The following TUT4 variants were observed in gnomAD, a reference collection of about 807,000 sequenced individuals.
The protein encoded by TUT4 is terminal uridylyltransferase 4.
A neutral mutation model predicts 192.2 loss-of-function variants in TUT4; 36 were observed. The ratio of observed to expected loss-of-function variants is 0.19; its 90% CI spans 0.14 to 0.25. TUT4 has a LOEUF of 0.25. Among genes scored for constraint, TUT4 ranks in the 10% least tolerant of loss-of-function variants. The pLI is 1.00. For synonymous variants in TUT4, 618 were observed against 666.0 expected, an observed-to-expected ratio of 0.93 and a Z score of 1.11; for missense variants, 1,493 against 1,957.2, an observed-to-expected ratio of 0.76 and a Z score of 4.47.
At position 52,475,186 on chromosome 1, in the gene TUT4, A is replaced by G. The variant is rs1666775757; in HGVS notation, c.2373T>C (p.Ala791=). 9 of 1,614,178 alleles carry G rather than the reference A, an allele frequency of 5.6e-6. No individual in the cohort carries two copies. Among genetic ancestry groups the G allele is most frequent in the South Asian group, 2.2e-5 (2 of 91,088 alleles). The change falls in exon 13 of 30, where the codon GCT becomes GCC. Residue 791 remains alanine, a synonymous_variant. Transcript: ENST00000257177. The part of the protein sequence containing the change: ...NNLLVNELDF[A]DHGQDSSSLS... ...GAGATGAAGAGTCCTGTCCGTGGTCAGCAAAATCTAGTTCATTTACCAACA... is the reference window on the plus strand; with the variant it reads ...GAGATGAAGAGTCCTGTCCGTGGTCGGCAAAATCTAGTTCATTTACCAACA...
At chr1:52,523,895 A>C (rs1238071309) in intron 2 of TUT4, among the ~76,000 whole-genome samples, 1 of 152,190 alleles carries the variant, frequency 6.6e-6, no homozygotes, top group African/African-American at 2.4e-5. Flanking sequence ...AGTGTTTCTC[A>C]AAGTGTGGCA....
In TUT4 at chr1:52,526,098, A is replaced by T. The variant is rs1309264419; in HGVS notation, c.183T>A (p.Asn61Lys). ...CTTCTGTTTTTTCTATACAAATATC[A>T]TTTTGCTTATTTTTTTTACTACTAT... Reference protein sequence around the residue: ...NRNSSKKNKQNDICIEKTEVK... With the variant: ...NRNSSKKNKQKDICIEKTEVK... The change falls in exon 2 of 30, where the codon AAT becomes AAA. Residue 61 changes from asparagine to lysine, a missense_variant. By Grantham distance (94) the Asn-to-Lys change is moderately conservative. Around this residue, in one of 7 missense-constraint regions of TUT4, gnomAD observed 260 missense variants for 247.8 expected, o/e 1.05. Coordinates refer to ENST00000257177, the MANE Select transcript of TUT4 (RefSeq NM_001009881.3). 6.2e-7 allele frequency: 1 copy of T among 1,608,312 alleles called. No homozygotes were observed. The highest frequency in any genetic ancestry group is 8.5e-7 in the Non-Finnish European group (1 of 1,178,628).
Position 52,495,415 on chromosome 1 carries a change from C to T in TUT4, c.1266+12G>A, listed in dbSNP as rs760771786. On this transcript the variant is annotated intron_variant, in intron 6 of 29. Transcript: ENST00000257177. ...AGTTAAGAACCACACAGGAAAGATT[C>T]TAATTACTTACCTTGGGAGGAAATT... 18 of 1,535,604 alleles carry T rather than the reference C, an allele frequency of 1.2e-5. No homozygotes were observed. The highest frequency in any genetic ancestry group is 1.6e-5 in the Non-Finnish European group (18 of 1,115,070).
chr1:52,456,689 A>AG lies in TUT4; in HGVS notation c.3435+1646dup, dbSNP rs1337088971. Among the ~76,000 whole-genome samples, 17 of 152,180 alleles carry AG rather than the reference A, an allele frequency of 1.1e-4. No individual in the cohort carries two copies. The East Asian group carries it at 3.1e-3, about 28-fold the overall frequency. On this transcript the variant is annotated intron_variant, in intron 20 of 29. Coordinates refer to ENST00000257177, the MANE Select transcript of TUT4 (RefSeq NM_001009881.3). Reference sequence around the variant, plus strand: ...AAAGATTAGTGGTTGCCAGGGGTTGAGGGGAGGATGACTAGGCAAAGTACA... The same window carrying AG: ...AAAGATTAGTGGTTGCCAGGGGTTGAGGGGGAGGATGACTAGGCAAAGTACA...
At chr1:52,519,679 T>C (rs2149399499) in intron 2 of TUT4, among the ~76,000 whole-genome samples, 1 of 152,010 alleles carries the variant, frequency 6.6e-6, no homozygotes, top group East Asian at 1.9e-4. Flanking sequence ...CCAGCTAATT[T>C]TGTATTTTTA....
chr1:52,546,777 CTTTT>C (rs1300286870), intron 1 of TUT4, among the ~76,000 whole-genome samples: 2 of 151,986 alleles, frequency 1.3e-5, no homozygotes, highest in African/African-American at 2.4e-5. Context: ...TTTTTAGAAT[CTTTT>C]TTAAGGTGAA....
rs373926715 is a variant in TUT4, at chr1:52,527,406, C to T, written c.-93-1033G>A. Among the ~76,000 whole-genome samples the T allele has an allele frequency of 3.9e-5, 6 of 151,912 alleles. No homozygotes were observed. The South Asian group carries it at 8.3e-4, about 21-fold the overall frequency. ...ACTAAAAACACAAATATCAGCTGGG[C>T]GTGGTGGCACATGCCTGTAATCCCA... is the stretch of plus-strand genomic sequence containing the variant. On this transcript the variant is annotated intron_variant, in intron 1 of 29. Transcript: ENST00000257177.
chr1:52,512,992 G>A (rs1014068557), intron 3 of TUT4, among the ~76,000 whole-genome samples: 2 of 151,828 alleles, frequency 1.3e-5, no homozygotes, highest in Non-Finnish European at 2.9e-5. Flanking sequence ...TTGTGGTAGC[G>A]CATGCCTGTA....
intron 24 of TUT4, among the ~76,000 whole-genome samples, chr1:52,443,308 G>A (rs1656277480): frequency 1.3e-5 from 2 of 150,174 alleles, no homozygotes; most frequent in East Asian, 2.0e-4. Context: ...AAAAAAAAAG[G>A]CTGGGCACAG....
chr1:52,504,720 T>C (rs1243123254), intron 4 of TUT4, among the ~76,000 whole-genome samples: 1 of 151,842 alleles, frequency 6.6e-6, no homozygotes, highest in African/African-American at 2.4e-5. Context: ...ATCAAAACTA[T>C]CTATCAAGCA....
chr1:52,501,372 T>A (rs1050696880), intron 4 of TUT4, among the ~76,000 whole-genome samples: 4 of 150,532 alleles, frequency 2.7e-5, no homozygotes, highest in African/African-American at 9.8e-5. Context: ...CCACTAATCA[T>A]TAGAGAAATG....
At chr1:52,522,383 T>C (rs566105405) in intron 2 of TUT4, among the ~76,000 whole-genome samples, 2 of 152,344 alleles carry the variant, frequency 1.3e-5, no homozygotes, top group Admixed American at 1.3e-4. Context: ...GTCATTGCCA[T>C]TGCATGCCCA....
chr1:52,426,127 G>A (rs1649838742), intron 28 of TUT4, among the ~76,000 whole-genome samples: 1 of 152,178 alleles, frequency 6.6e-6, no homozygotes, highest in African/African-American at 2.4e-5. Context: ...GGCCTGGAAG[G>A]AGATCCTATT....
At chr1:52,494,419 C>A (rs144614960) in intron 6 of TUT4, among the ~76,000 whole-genome samples, 2 of 152,082 alleles carry the variant, frequency 1.3e-5, no homozygotes, top group Admixed American at 6.5e-5. Flanking sequence ...AGGCCAGGTG[C>A]GGTGGCTCAC....
At chr1:52,517,963 CTG>C (rs1679151890) in intron 2 of TUT4, among the ~76,000 whole-genome samples, 1 of 152,176 alleles carries the variant, frequency 6.6e-6, no homozygotes. Flanking sequence ...TTAGAGAAAG[CTG>C]CCTTTCTTCA....
intron 14 of TUT4, 144 bp downstream of exon 14, chr1:52,471,808 A>G (rs1452451126): frequency 1.2e-6 from 1 of 822,576 alleles, no homozygotes; most frequent in Non-Finnish European, 1.8e-6. Flanking sequence ...CATAATAGTC[A>G]TTTAGTAAAT....
chr1:52,520,284 T>C (rs1679899890), intron 2 of TUT4, among the ~76,000 whole-genome samples: 1 of 152,200 alleles, frequency 6.6e-6, no homozygotes, highest in African/African-American at 2.4e-5. Context: ...TTTACTCTGA[T>C]GGATGGAAAG....
chr1:52,455,526 C>T (rs888836445), intron 20 of TUT4, among the ~76,000 whole-genome samples: 63 of 148,240 alleles, frequency 4.2e-4, no homozygotes, highest in African/African-American at 1.5e-3. Context: ...GGAGAATCAC[C>T]TTAGCCTGGG....
intron 1 of TUT4, among the ~76,000 whole-genome samples, chr1:52,529,561 G>T (rs906295905): frequency 6.6e-6 from 1 of 151,866 alleles, no homozygotes; most frequent in Non-Finnish European, 1.5e-5. Flanking sequence ...ATGCTAGTCT[G>T]CTATAACGAT....
Sources: allele counts gnomAD v4.1 joint callset (sites outside exome capture counted in the v4.1 genomes callset), GRCh38; gene constraint gnomAD v4.1.1; regional missense constraint gnomAD v4.1.1; transcripts MANE v1.5; gene names NCBI Gene and HGNC (gene_info 2026-07-23, HGNC 2026-07-21).